The following COL14A1 variants were observed in gnomAD, a reference collection of about 807,000 sequenced individuals.
The protein encoded by COL14A1 is collagen type XIV alpha 1 chain.
A neutral mutation model predicts 230.3 loss-of-function variants in COL14A1; 136 were observed. That is an observed-to-expected ratio of 0.59 (90% CI 0.51 to 0.68). The LOEUF (loss-of-function observed/expected upper bound fraction) is 0.68. COL14A1 is among the 30% of genes least tolerant of loss of function. The probability of loss-of-function intolerance (pLI) is 0.00; values close to 1 mark genes in which losing one functional copy is unlikely to be tolerated. For synonymous variants in COL14A1, 792 were observed against 784.1 expected (o/e 1.01, Z -0.17); for missense variants, 1,976 against 2,215.8 (o/e 0.89, Z 2.17).
chr8:120,370,948 T>C, intron 47 of COL14A1: 1 of 1,121,002 alleles, frequency 8.9e-7, no homozygotes, highest in South Asian at 1.7e-5. Flanking sequence ...TTTCTAACAA[T>C]TTCTGTAATG....
intron 32 of COL14A1, among the ~76,000 whole-genome samples, chr8:120,285,091 A>G (rs1275975303): frequency 6.6e-6 from 1 of 152,114 alleles, no homozygotes; most frequent in Non-Finnish European, 1.5e-5. Context: ...TTTGTTCATA[A>G]TGAATGAAAT....
At chr8:120,337,965 G>C (rs1354396484) in intron 42 of COL14A1, among the ~76,000 whole-genome samples, 5 of 152,172 alleles carry the variant, frequency 3.3e-5, no homozygotes, top group Non-Finnish European at 5.9e-5. Context: ...ATGAGACTGA[G>C]TTTGAGGAAT....
intron 5 of COL14A1, among the ~76,000 whole-genome samples, chr8:120,176,216 G>A (rs1816278912): frequency 6.6e-6 from 1 of 152,162 alleles, no homozygotes; most frequent in Non-Finnish European, 1.5e-5. Context: ...AGAAGAGCTG[G>A]TAATTATCAC....
rs529089558 is a variant in COL14A1, at chr8:120,371,323, G to T, written c.*92G>T. 11 of 890,690 alleles carry T rather than the reference G, an allele frequency of 1.2e-5. No individual in the cohort carries two copies. The highest frequency in any genetic ancestry group is 5.8e-5 in the South Asian group (3 of 51,914). 55.2% of individuals were successfully genotyped at this position (890,690 alleles called of 1,614,324 possible). ...GTTATGTGGTTTGTATGCTACTTTT[G>T]GGGGGCAGGGCTCATTTCAGCAGCC... On this transcript the variant is annotated 3_prime_UTR_variant, in exon 48 of 48. Transcript: ENST00000297848.
intron 26 of COL14A1, chr8:120,277,883 C>T (rs1486028627): frequency 3.8e-6 from 1 of 262,776 alleles, no homozygotes; most frequent in South Asian, 9.1e-5. Flanking sequence ...ATGTAACAAA[C>T]CTACACAATG....
chr8:120,172,811 G>A (rs1402568244), intron 5 of COL14A1, among the ~76,000 whole-genome samples: 1 of 152,072 alleles, frequency 6.6e-6, no homozygotes, highest in African/African-American at 2.4e-5. Flanking sequence ...CCTTACATAA[G>A]AACTATCAAA....
At chr8:120,266,928 T>A (rs1304209948) in intron 25 of COL14A1, 45 bp downstream of exon 25, 1 of 1,533,154 alleles carries the variant, frequency 6.5e-7, no homozygotes, top group Non-Finnish European at 9.0e-7. Context: ...GTTTAGGATT[T>A]GTGTTGGTTT....
chr8:120,179,851 T>C (rs918667385), intron 5 of COL14A1, among the ~76,000 whole-genome samples: 2 of 151,978 alleles, frequency 1.3e-5, no homozygotes. Flanking sequence ...CCAAAACAGA[T>C]ATATAGAACA....
rs1231624526 is a variant in COL14A1 at position 120,270,127 on chromosome 8, T to C, written c.3166T>C (p.Tyr1056His). Reference protein sequence around the residue: ...ENFNKIISFLYSTVGALNKIG... With the variant: ...ENFNKIISFLHSTVGALNKIG... ...TTTCAATAAGATCATCAGCTTTCTA[T>C]ACAGCACTGTTGGAGCCCTGAACAA... Residue 1056 changes from tyrosine to histidine, a missense_variant, in exon 26 of 48, where the codon TAC (tyrosine) becomes CAC (histidine). Tyr to His is a moderately conservative substitution (Grantham distance 83, BLOSUM62 2). Coordinates refer to ENST00000297848, the MANE Select transcript of COL14A1 (RefSeq NM_021110.4). 6.2e-7 allele frequency: 1 copy of C among 1,611,368 alleles called. No homozygotes were observed. Among genetic ancestry groups the C allele is most frequent in the Non-Finnish European group, 8.5e-7 (1 of 1,178,342 alleles).
At chr8:120,366,037 TTCC>T (rs1179583133) in intron 45 of COL14A1, among the ~76,000 whole-genome samples, 4 of 152,230 alleles carry the variant, frequency 2.6e-5, no homozygotes, top group Non-Finnish European at 4.4e-5. Flanking sequence ...AACCTGTTAG[TTCC>T]TCACCGGAGT....
chr8:120,354,811 C>T (rs1822919493), intron 45 of COL14A1, among the ~76,000 whole-genome samples: 1 of 152,162 alleles, frequency 6.6e-6, no homozygotes, highest in Non-Finnish European at 1.5e-5. Context: ...TGGCACTTAG[C>T]ATTGAAGAGG....
chr8:120,237,781 C>T lies in COL14A1; in HGVS notation c.2350-6098C>T, dbSNP rs188063817. 1.4e-3 allele frequency among the ~76,000 whole-genome samples: 217 copies of T among 152,114 alleles called. 1 individual carries two copies. The highest frequency in any genetic ancestry group is 5.0e-3 in the African/African-American group (208 of 41,512). ...ACCTTTGGTCTTTGATGTTGGTGAC[C>T]TTTGGATGGGGTTTGAGTGGTCGTC... On this transcript the variant is annotated intron_variant, in intron 19 of 47. Coordinates refer to ENST00000297848, the MANE Select transcript of COL14A1 (RefSeq NM_021110.4).
Position 120,203,825 on chromosome 8 carries a change from A to G in COL14A1, c.994A>G (p.Arg332Gly), listed in dbSNP as rs767024342. 6.2e-7 allele frequency: 1 copy of G among 1,613,920 alleles called. No homozygotes were observed. The highest frequency in any genetic ancestry group is 1.1e-5 in the South Asian group (1 of 91,054). ...LMHTVVESLT[R>G]TLCSRVEEQD... ...GCACACAGTTGTGGAGAGTCTGACC[A>G]GGACTCTCTGCTCTAGAGTGGAAGA... The change falls in exon 9 of 48, where the codon AGG (arginine) becomes GGG (glycine). Residue 332 changes from arginine (R) to glycine (G), a missense_variant. Physicochemically the swap from Arg to Gly is moderately radical, Grantham distance 125. Coordinates refer to ENST00000297848, the MANE Select transcript of COL14A1 (RefSeq NM_021110.4).
At chr8:120,316,116 C>T in intron 40 of COL14A1, 119 bp downstream of exon 40, 1 of 891,922 alleles carries the variant, frequency 1.1e-6, no homozygotes, top group Non-Finnish European at 1.8e-6. Context: ...TTGTTTTCTC[C>T]TGTTTATGTA....
At chr8:120,242,670 G>A (rs1818641585) in intron 19 of COL14A1, among the ~76,000 whole-genome samples, 2 of 149,394 alleles carry the variant, frequency 1.3e-5, no homozygotes, top group African/African-American at 4.9e-5. Context: ...CTCCTTCTCA[G>A]GACCCCGAGT....
intron 23 of COL14A1, among the ~76,000 whole-genome samples, chr8:120,261,529 C>G (rs1478283976): frequency 6.6e-6 from 1 of 152,122 alleles, no homozygotes; most frequent in Non-Finnish European, 1.5e-5. Flanking sequence ...ATTCCTCAGT[C>G]TCAGGACCTA....
chr8:120,233,486 A>AT (rs1563687085), intron 19 of COL14A1, among the ~76,000 whole-genome samples: 1 of 151,764 alleles, frequency 6.6e-6, no homozygotes, highest in African/African-American at 2.4e-5. Flanking sequence ...TCTAAGATTC[A>AT]TTTTTGTATA....
chr8:120,270,303 T>C, intron 26 of COL14A1, 129 bp downstream of exon 26: 2 of 945,996 alleles, frequency 2.1e-6, no homozygotes, highest in Non-Finnish European at 3.0e-6. Flanking sequence ...AATGAAAGGA[T>C]AGACAGGTAT....
Position 120,320,095 on chromosome 8 carries a change from T to C in COL14A1, c.4659+4098T>C, listed in dbSNP as rs1428943947. 2.0e-5 allele frequency among the ~76,000 whole-genome samples: 3 copies of C among 152,018 alleles called. No homozygotes were observed. The East Asian group carries it at 5.8e-4, about 29-fold the overall frequency. ...ACATCAGGGTGGTCCTCAGGAAAACTAGGAAGAACAGGCAAGACATGGATT... is the reference window on the plus strand; with the variant it reads ...ACATCAGGGTGGTCCTCAGGAAAACCAGGAAGAACAGGCAAGACATGGATT... On this transcript the variant is annotated intron_variant, in intron 40 of 47. Coordinates refer to ENST00000297848, the MANE Select transcript of COL14A1 (RefSeq NM_021110.4).
Sources: gnomAD v4.1 joint callset for allele counts (sites outside exome capture counted in the v4.1 genomes callset) on GRCh38, gnomAD v4.1.1 for gene constraint, MANE v1.5 for transcripts, NCBI Gene and HGNC (gene_info 2026-07-23, HGNC 2026-07-21) for gene names.